RAB30: variants seen among roughly 807,000 people sequenced by gnomAD.
The protein encoded by RAB30 is RAB30, member RAS oncogene family, also known as ras-related protein Rab-30.
RAB30 carries 9 observed loss-of-function variants against 25.1 expected under a neutral mutation model. That is an observed-to-expected ratio of 0.36 (90% CI 0.22 to 0.63). RAB30 has a LOEUF of 0.63. RAB30 is among the 20% of genes least tolerant of loss of function. RAB30 has a pLI of 0.69. For missense variants in RAB30, 140 were observed against 243.5 expected (o/e 0.58, Z 2.83); for synonymous variants, 77 against 86.4 (o/e 0.89, Z 0.60).
intron 4 of RAB30, among the ~76,000 whole-genome samples, chr11:82,986,092 T>C (rs1856734622): frequency 6.6e-6 from 1 of 152,238 alleles, no homozygotes; most frequent in Non-Finnish European, 1.5e-5. Flanking sequence ...TAAGGAATTG[T>C]TAACATATTT....
At chr11:83,029,373 AT>A (rs1470120796) in intron 1 of RAB30, among the ~76,000 whole-genome samples, 1 of 150,774 alleles carries the variant, frequency 6.6e-6, no homozygotes, top group East Asian at 1.9e-4. Flanking sequence ...TTCCCCCCCT[AT>A]TTTTTTCTTT....
At chr11:83,008,018 C>T (rs1407218210) in intron 1 of RAB30, among the ~76,000 whole-genome samples, 1 of 152,226 alleles carries the variant, frequency 6.6e-6, no homozygotes, top group Non-Finnish European at 1.5e-5. Flanking sequence ...CCATTGCCTT[C>T]CCCCTTGTAT....
In RAB30 at chr11:82,979,315, C is replaced by A. The variant is rs1286039453; in HGVS notation, c.*2850G>T. ...TTATTGAATGAAGAAAAAGATCACA[C>A]CAAAAATGGAGGAATACATCAACCC... On this transcript the variant is annotated 3_prime_UTR_variant, in exon 5 of 5. Coordinates refer to ENST00000527633, the MANE Select transcript of RAB30 (RefSeq NM_001286060.2). 3 of 152,128 alleles carry A rather than the reference C, an allele frequency of 2.0e-5. No individual in the cohort carries two copies. The South Asian group carries it at 6.2e-4, about 31-fold the overall frequency. The allele number at this position is 152,128 out of a possible 1,614,324, so 9.4% of individuals were successfully genotyped here.
At position 82,978,566 on chromosome 11, in the gene RAB30, C is replaced by T. The variant is rs187147615; in HGVS notation, c.*3599G>A. ...GCTTGGCTTAAAAGAAGATGTTTCA[C>T]TTTAGTAGGAAGACCAATTCAAACA... On this transcript the variant is annotated 3_prime_UTR_variant, in exon 5 of 5. Transcript: ENST00000527633. The T allele has an allele frequency of 6.6e-6, 1 of 151,398 alleles. No individual in the cohort carries two copies. The highest frequency in any genetic ancestry group is 1.5e-5 in the Non-Finnish European group (1 of 67,784). 9.4% of individuals were successfully genotyped at this position (151,398 alleles called of 1,614,324 possible).
chr11:82,991,103 T>A (rs905244834), intron 3 of RAB30, among the ~76,000 whole-genome samples: 1 of 152,104 alleles, frequency 6.6e-6, no homozygotes, highest in Admixed American at 6.6e-5. Context: ...GAATCACTGG[T>A]GGATTCTCTT....
At chr11:83,068,245 C>G (rs151237332) in intron 1 of RAB30, among the ~76,000 whole-genome samples, 8 of 151,942 alleles carry the variant, frequency 5.3e-5, no homozygotes, top group African/African-American at 1.9e-4. Context: ...TTGCAATGAG[C>G]CGAGATTGCG....
At chr11:83,010,199 C>A (rs1210579281) in intron 1 of RAB30, among the ~76,000 whole-genome samples, 1 of 152,130 alleles carries the variant, frequency 6.6e-6, no homozygotes, top group Non-Finnish European at 1.5e-5. Flanking sequence ...GCCTGTTATC[C>A]CAGTGCTTTG....
chr11:82,986,140 TA>T (rs560269444), intron 4 of RAB30, among the ~76,000 whole-genome samples: 27 of 152,234 alleles, frequency 1.8e-4, no homozygotes, highest in Non-Finnish European at 2.9e-4. Context: ...GTTTTCTTTT[TA>T]AAAATCTATT....
intron 1 of RAB30, among the ~76,000 whole-genome samples, chr11:83,057,975 C>T (rs1015738128): frequency 1.2e-4 from 18 of 152,162 alleles, no homozygotes; most frequent in African/African-American, 4.1e-4. Flanking sequence ...ACAGGCACCA[C>T]GCTGAGACCT....
chr11:82,982,530 A>C (rs1856660819), intron 4 of RAB30, 115 bp from the exon 5 acceptor site: 1 of 1,105,324 alleles, frequency 9.0e-7, no homozygotes, highest in African/African-American at 1.6e-5. Flanking sequence ...CGAGTAAAAC[A>C]AAACAAATGT....
At chr11:83,065,442 G>C (rs551976885) in intron 1 of RAB30, among the ~76,000 whole-genome samples, 1 of 152,152 alleles carries the variant, frequency 6.6e-6, no homozygotes, top group African/African-American at 2.4e-5. Flanking sequence ...GAAAGGAAAG[G>C]AGAAGACAGA....
At chr11:83,039,008 A>C (rs1788045721) in intron 1 of RAB30, 1 of 152,186 alleles carries the variant, frequency 6.6e-6, no homozygotes, top group African/African-American at 2.4e-5. Flanking sequence ...AAGGTAAAGT[A>C]ACTTATCCAA....
chr11:82,978,556 A>C lies in RAB30; in HGVS notation c.*3609T>G, dbSNP rs980444209. 6.6e-6 allele frequency: 1 copy of C among 152,182 alleles called. No homozygotes were observed. Among genetic ancestry groups the C allele is most frequent in the Non-Finnish European group, 1.5e-5 (1 of 68,016 alleles). 9.4% of individuals were successfully genotyped at this position (152,182 alleles called of 1,614,324 possible). A position where few individuals can be genotyped will look rare whatever the true frequency, so the allele number is the denominator to read the frequency against. On this transcript the variant is annotated 3_prime_UTR_variant, in exon 5 of 5. Coordinates refer to ENST00000527633, the MANE Select transcript of RAB30 (RefSeq NM_001286060.2). ...CATTCATGTGGCTTGGCTTAAAAGA[A>C]GATGTTTCACTTTAGTAGGAAGACC...
At chr11:82,993,888 TAGA>T (rs1446962217) in intron 3 of RAB30, 148 bp downstream of exon 3, 1 of 593,598 alleles carries the variant, frequency 1.7e-6, no homozygotes. Context: ...TAAAAAAGAC[TAGA>T]AGAACTCTGG....
At chr11:82,983,965 A>G (rs540238614) in intron 4 of RAB30, among the ~76,000 whole-genome samples, 22 of 152,340 alleles carry the variant, frequency 1.4e-4, no homozygotes, top group African/African-American at 5.3e-4. Context: ...GACTTTTGGC[A>G]TAGGAAAAAG....
chr11:83,000,987 CAGTGAGCTGAGATCG>C (rs1311512760), intron 1 of RAB30, among the ~76,000 whole-genome samples: 3 of 129,868 alleles, frequency 2.3e-5, no homozygotes, highest in Non-Finnish European at 4.6e-5. Flanking sequence ...GCAGAGCTTG[CAGTGAGCTGAGATCG>C]CGCCACAGCA....
intron 4 of RAB30, among the ~76,000 whole-genome samples, chr11:82,985,062 G>C (rs1474883042): frequency 1.3e-5 from 2 of 152,094 alleles, no homozygotes; most frequent in African/African-American, 4.8e-5. Context: ...ACTGTATCCT[G>C]TGTCTCCCAG....
At chr11:82,995,590 G>A (rs902328511) in intron 2 of RAB30, among the ~76,000 whole-genome samples, 1 of 152,158 alleles carries the variant, frequency 6.6e-6, no homozygotes, top group Non-Finnish European at 1.5e-5. Flanking sequence ...TGGAGTTGAG[G>A]AGCTGGGAGG....
rs1182485200 is a variant in RAB30 at position 82,979,824 on chromosome 11, G to A, written c.*2341C>T. On this transcript the variant is annotated 3_prime_UTR_variant, in exon 5 of 5. Transcript: ENST00000527633. The stretch of plus-strand genomic sequence containing the variant: ...TGGAAAGGCTGGGAGGAGCAACAAG[G>A]AAGATAGAGGCCAAGACCAGAGCTT... 1 of 152,254 alleles carries A rather than the reference G, an allele frequency of 6.6e-6. No homozygotes were observed. Among genetic ancestry groups the A allele is most frequent in the Non-Finnish European group, 1.5e-5 (1 of 68,106 alleles). 9.4% of individuals were successfully genotyped at this position (152,254 alleles called of 1,614,324 possible).
Sources: gnomAD v4.1 joint callset for allele counts (sites outside exome capture counted in the v4.1 genomes callset) on GRCh38, gnomAD v4.1.1 for gene constraint, MANE v1.5 for transcripts, NCBI Gene and HGNC (gene_info 2026-07-23, HGNC 2026-07-21) for gene names.